GPLD1: variants seen among roughly 807,000 people sequenced by gnomAD.
The protein encoded by GPLD1 is phosphatidylinositol-glycan-specific phospholipase D.
GPLD1 carries 84 observed loss-of-function variants against 112.6 expected under a neutral mutation model. The ratio of observed to expected loss-of-function variants is 0.75; its 90% CI spans 0.63 to 0.89. The LOEUF (loss-of-function observed/expected upper bound fraction) is 0.89, where lower values mean the gene tolerates loss of function less well. GPLD1 is among the 40% of genes least tolerant of loss of function. The probability of loss-of-function intolerance (pLI) is 0.00; values close to 1 mark genes in which losing one functional copy is unlikely to be tolerated. For missense variants in GPLD1, 1,044 were observed against 1,051.5 expected (o/e 0.99, Z 0.10); for synonymous variants, 386 against 403.8 (o/e 0.96, Z 0.53).
chr6:24,482,097 A>ATTTTGTTTTT (rs781099419), intron 2 of GPLD1, among the ~76,000 whole-genome samples: 4 of 103,226 alleles, frequency 3.9e-5, no homozygotes, highest in African/African-American at 1.6e-4. Flanking sequence ...GTATTTTTGG[A>ATTTTGTTTTT]TTTTTTTTTT....
chr6:24,494,714 C>T (rs1478025164), intron 1 of GPLD1: 9 of 318,660 alleles, frequency 2.8e-5, no homozygotes, highest in Middle Eastern at 8.1e-4. Context: ...CATCTACTGG[C>T]GAGCCTTCTC....
chr6:24,425,638 T>TA (rs1337434518), downstream of GPLD1: 2 of 152,226 alleles, frequency 1.3e-5, no homozygotes, highest in Admixed American at 6.5e-5. Context: ...CTGAGCACAT[T>TA]AATTACTGTT....
chr6:24,480,561 G>A (rs1200570345), intron 2 of GPLD1, among the ~76,000 whole-genome samples: 7 of 152,180 alleles, frequency 4.6e-5, no homozygotes, highest in African/African-American at 1.7e-4. Flanking sequence ...ACGCACGTAC[G>A]CACGCACACA....
chr6:24,446,888 G>A lies in GPLD1; in HGVS notation c.1770C>T (p.Asp590=), dbSNP rs1458664903. ...TCCCAACCAACAGCAAGGTTCTGTT[G>A]TCCACAGTGACACCGTGAAGGGAAT... is the stretch of plus-strand genomic sequence containing the variant. The part of the protein sequence containing the change: ...FGYSLHGVTV[D]NRTLLLVGSP... Residue 590 remains aspartate, a synonymous_variant, in exon 18 of 25, where the codon GAC becomes GAT. Transcript: ENST00000230036. 1 of 1,614,014 alleles carries A rather than the reference G, an allele frequency of 6.2e-7. No individual in the cohort carries two copies. Among genetic ancestry groups the A allele is most frequent in the Non-Finnish European group, 8.5e-7 (1 of 1,179,962 alleles).
Position 24,460,262 on chromosome 6 carries a change from G to A in GPLD1, c.1008+17C>T. 1.2e-6 allele frequency: 2 copies of A among 1,613,366 alleles called. No individual in the cohort carries two copies. Among genetic ancestry groups the A allele is most frequent in the Non-Finnish European group, 1.7e-6 (2 of 1,179,536 alleles). On this transcript the variant is annotated intron_variant, in intron 12 of 24. Coordinates refer to ENST00000230036, the MANE Select transcript of GPLD1 (RefSeq NM_001503.4). ...AGCAGCATTCCTCTTTCTCAACTTA[G>A]AGCAGAAAATTCTTACCGGGGTCCA...
intron 14 of GPLD1, among the ~76,000 whole-genome samples, chr6:24,451,807 C>T (rs1763100157): frequency 6.6e-6 from 1 of 152,176 alleles, no homozygotes; most frequent in African/African-American, 2.4e-5. Flanking sequence ...AAGGCAGAAA[C>T]TTGATAAACA....
intron 10 of GPLD1, among the ~76,000 whole-genome samples, chr6:24,464,513 A>G (rs1001603569): frequency 6.6e-6 from 1 of 152,228 alleles, no homozygotes; most frequent in African/African-American, 2.4e-5. Flanking sequence ...TTTATTATGT[A>G]CCAAGCTAAG....
chr6:24,438,863 T>G (rs1293459987), intron 20 of GPLD1, among the ~76,000 whole-genome samples: 3 of 152,144 alleles, frequency 2.0e-5, no homozygotes, highest in Non-Finnish European at 2.9e-5. Context: ...CTCGGCTCAC[T>G]GCAACCTCCG....
intron 7 of GPLD1, among the ~76,000 whole-genome samples, chr6:24,468,804 G>A (rs1022424694): frequency 5.3e-5 from 8 of 152,132 alleles, no homozygotes; most frequent in Non-Finnish European, 1.2e-4. Context: ...CAGCCATTTC[G>A]CATTTATTGA....
intron 20 of GPLD1, among the ~76,000 whole-genome samples, chr6:24,438,823 G>A (rs28564434): frequency 0.06 from 9,138 of 151,542 alleles, 636 homozygotes; most frequent in African/African-American, 0.17. Flanking sequence ...GTCTCACTCT[G>A]TCACCCAGGC....
At chr6:24,457,686 G>A (rs2127346298) in intron 12 of GPLD1, among the ~76,000 whole-genome samples, 1 of 152,110 alleles carries the variant, frequency 6.6e-6, no homozygotes, top group East Asian at 1.9e-4. Context: ...TTCGAGACCA[G>A]CCTGGCCAAT....
Position 24,445,737 on chromosome 6 carries a change from A to G in GPLD1, c.1915T>C (p.Ser639Pro). The G allele has an allele frequency of 6.2e-7, 1 of 1,613,522 alleles. No individual in the cohort carries two copies. The highest frequency in any genetic ancestry group is 8.5e-7 in the Non-Finnish European group (1 of 1,179,578). Residue 639 changes from serine to proline, a missense_variant, in exon 19 of 25, where the codon TCT (serine) becomes CCT (proline). By Grantham distance (74) the Ser-to-Pro change is moderately conservative. Transcript: ENST00000230036. ...AGGGCTTGTCATACCTTGTCTCCAGAAATGGTAAACCAGCTTTGGCCGTTT... is the reference window on the plus strand; with the variant it reads ...AGGGCTTGTCATACCTTGTCTCCAGGAATGGTAAACCAGCTTTGGCCGTTT... ...PPNGQSWFTI[S>P]GDKAMGKLGT... is the part of the protein sequence containing the mutation.
intron 22 of GPLD1, among the ~76,000 whole-genome samples, chr6:24,434,426 A>G (rs1762504898): frequency 6.6e-6 from 1 of 151,478 alleles, no homozygotes; most frequent in African/African-American, 2.4e-5. Flanking sequence ...ATTATGCACA[A>G]ATTATGCACA....
In GPLD1 at chr6:24,426,335, T is replaced by C. The variant is rs1303321173; in HGVS notation, c.*2697A>G. On this transcript the variant is annotated 3_prime_UTR_variant, in exon 25 of 25. Coordinates refer to ENST00000230036, the MANE Select transcript of GPLD1 (RefSeq NM_001503.4). ...AAATTTAATCCATGTATCAGGATAA[T>C]ATATTAGACTGTCATGCATTAATTT... 1.3e-5 allele frequency: 2 copies of C among 152,220 alleles called. No homozygotes were observed. The highest frequency in any genetic ancestry group is 2.4e-5 in the African/African-American group (1 of 41,472). The allele number at this position is 152,220 out of a possible 1,614,324, so 9.4% of individuals were successfully genotyped here.
upstream of GPLD1, among the ~76,000 whole-genome samples, chr6:24,494,208 A>C (rs2127378049): frequency 6.6e-6 from 1 of 152,336 alleles, no homozygotes; most frequent in Non-Finnish European, 1.5e-5. Context: ...ATTGAATTTA[A>C]TGTGGCAACT....
At chr6:24,451,133 C>T (rs566810530) in intron 14 of GPLD1, among the ~76,000 whole-genome samples, 19 of 152,322 alleles carry the variant, frequency 1.2e-4, no homozygotes, top group African/African-American at 3.4e-4. Context: ...TCCTGTAGGA[C>T]GGTGTAGATA....
intron 2 of GPLD1, among the ~76,000 whole-genome samples, chr6:24,481,329 G>T (rs1387224848): frequency 6.7e-6 from 1 of 149,068 alleles, no homozygotes; most frequent in African/African-American, 2.6e-5. Context: ...GTAAAAGTTT[G>T]GCAATATCCC....
At chr6:24,444,246 C>T (rs937988147) in intron 20 of GPLD1, among the ~76,000 whole-genome samples, 1 of 151,968 alleles carries the variant, frequency 6.6e-6, no homozygotes, top group African/African-American at 2.4e-5. Context: ...TTAGTAAATG[C>T]TGGCATTAAA....
chr6:24,471,563 T>A (rs1425283140), intron 7 of GPLD1, among the ~76,000 whole-genome samples: 1 of 152,126 alleles, frequency 6.6e-6, no homozygotes. Context: ...GGACAATCCA[T>A]TATCTCCAGA....
Sources: allele counts gnomAD v4.1 joint callset (sites outside exome capture counted in the v4.1 genomes callset), GRCh38; gene constraint gnomAD v4.1.1; transcripts MANE v1.5; gene names NCBI Gene and HGNC (gene_info 2026-07-23, HGNC 2026-07-21).